The following RBFOX1 variants were observed in gnomAD, a reference collection of about 807,000 sequenced individuals.
RBFOX1 encodes the protein RNA binding protein fox-1 homolog 1.
Under a neutral mutation model 57.7 loss-of-function variants are expected in RBFOX1, and 8 were observed. The observed-to-expected ratio is 0.14, with a 90% confidence interval of 0.08 to 0.25. The LOEUF (loss-of-function observed/expected upper bound fraction) is 0.25. Among genes scored for constraint, RBFOX1 ranks in the 10% least tolerant of loss-of-function variants. The pLI is 1.00. For missense variants in RBFOX1, 611 were observed against 548.5 expected (o/e 1.11, Z -1.14); for synonymous variants, 326 against 222.4 (o/e 1.47, Z -4.15).
chr16:6,033,226 G>C (rs2095315443), intron 1 of RBFOX1, among the ~76,000 whole-genome samples: 1 of 152,202 alleles, frequency 6.6e-6, no homozygotes, highest in South Asian at 2.1e-4. Flanking sequence ...TTTTAAGCAA[G>C]GGATAATTTG....
At chr16:7,653,638 A>C (rs886277888) in intron 11 of RBFOX1, among the ~76,000 whole-genome samples, 177 bp from the exon 12 acceptor site, 6 of 152,182 alleles carry the variant, frequency 3.9e-5, no homozygotes, top group Non-Finnish European at 4.4e-5. Flanking sequence ...TCCTCTCTGG[A>C]GTCCCACCCT....
At chr16:7,297,842 A>C (rs905440833) in intron 4 of RBFOX1, among the ~76,000 whole-genome samples, 2 of 151,640 alleles carry the variant, frequency 1.3e-5, no homozygotes, top group Admixed American at 6.6e-5. Context: ...CCCCTCCTCT[A>C]TTACCCTAGA....
chr16:6,191,094 C>G (rs1484072386), intron 1 of RBFOX1, among the ~76,000 whole-genome samples: 2 of 150,502 alleles, frequency 1.3e-5, no homozygotes, highest in Non-Finnish European at 2.9e-5. Flanking sequence ...ATCTTCTAGA[C>G]AGACAGCTTG....
chr16:6,432,550 C>T (rs1006464787), intron 2 of RBFOX1, among the ~76,000 whole-genome samples: 11 of 149,316 alleles, frequency 7.4e-5, no homozygotes, highest in African/African-American at 1.7e-4. Flanking sequence ...GGTGTGGTGG[C>T]GGATACCTGT....
intron 4 of RBFOX1, among the ~76,000 whole-genome samples, chr16:5,974,239 C>G (rs186934150): frequency 6.6e-6 from 1 of 152,166 alleles, no homozygotes; most frequent in Non-Finnish European, 1.5e-5. Context: ...GCATTTGGAA[C>G]TGCAAAGAGA....
intron 3 of RBFOX1, among the ~76,000 whole-genome samples, chr16:6,890,631 G>A (rs1366763333): frequency 1.3e-5 from 2 of 152,176 alleles, no homozygotes; most frequent in Non-Finnish European, 2.9e-5. Flanking sequence ...GTTGGTGTTT[G>A]TAACAGTCTT....
At chr16:5,990,589 A>G (rs2060375827) in intron 4 of RBFOX1, among the ~76,000 whole-genome samples, 1 of 152,202 alleles carries the variant, frequency 6.6e-6, no homozygotes, top group Non-Finnish European at 1.5e-5. Context: ...GGACAAGCCC[A>G]TGGACTATAG....
chr16:6,679,553 C>T (rs922427958), intron 3 of RBFOX1, among the ~76,000 whole-genome samples: 3 of 152,128 alleles, frequency 2.0e-5, no homozygotes, highest in Non-Finnish European at 4.4e-5. Flanking sequence ...TACAGTCATA[C>T]CCCTCTCTTC....
chr16:7,612,361 G>C (rs1482670967), intron 10 of RBFOX1, among the ~76,000 whole-genome samples: 1 of 138,010 alleles, frequency 7.2e-6, no homozygotes, highest in Non-Finnish European at 1.6e-5. Flanking sequence ...ACAAATGATT[G>C]TAAGTCCCCA....
intron 3 of RBFOX1, among the ~76,000 whole-genome samples, chr16:5,856,187 C>CTCTCTCTCTATATATATATATATA (rs1430331422): frequency 3.2e-5 from 1 of 31,064 alleles, no homozygotes; most frequent in African/African-American, 1.4e-4. Flanking sequence ...CTCTCTCTCT[C>CTCTCTCTCTATATATATATATATA]TATATATATA....
intron 3 of RBFOX1, among the ~76,000 whole-genome samples, chr16:7,015,403 G>A (rs761821025): frequency 1.7e-4 from 26 of 152,160 alleles, no homozygotes; most frequent in Non-Finnish European, 2.4e-4. Context: ...AGAAACTTGA[G>A]CCGTATTATA....
intron 3 of RBFOX1, among the ~76,000 whole-genome samples, chr16:5,704,415 G>A (rs1030954300): frequency 6.6e-6 from 1 of 152,074 alleles, no homozygotes; most frequent in Non-Finnish European, 1.5e-5. Context: ...CACAGGGAGT[G>A]GTGGGGTGTG....
intron 14 of RBFOX1, among the ~76,000 whole-genome samples, chr16:7,682,350 T>C (rs1327542773): frequency 6.6e-6 from 1 of 151,982 alleles, no homozygotes; most frequent in Non-Finnish European, 1.5e-5. Context: ...GAACTGAGGA[T>C]GGAGTTCTTG....
intron 2 of RBFOX1, among the ~76,000 whole-genome samples, chr16:5,560,112 T>C (rs1567231085): frequency 6.6e-6 from 1 of 152,224 alleles, no homozygotes; most frequent in East Asian, 1.9e-4. Context: ...ATTTATAGAA[T>C]AAATTTCTTC....
At chr16:6,926,821 C>T (rs1334882347) in intron 3 of RBFOX1, among the ~76,000 whole-genome samples, 2 of 152,086 alleles carry the variant, frequency 1.3e-5, no homozygotes, top group African/African-American at 4.8e-5. Context: ...TCTTTCTGTC[C>T]CGTGCAGATA....
intron 4 of RBFOX1, among the ~76,000 whole-genome samples, chr16:7,188,060 C>T (rs1453767380): frequency 1.3e-5 from 2 of 152,124 alleles, no homozygotes; most frequent in African/African-American, 4.8e-5. Context: ...TTTAACTTTT[C>T]TCTGTTTCTC....
At chr16:5,309,057 G>A (rs1165256480) in intron 1 of RBFOX1, among the ~76,000 whole-genome samples, 3 of 152,004 alleles carry the variant, frequency 2.0e-5, no homozygotes, top group African/African-American at 7.3e-5. Flanking sequence ...TCCACTTCCT[G>A]TCAACTTCTT....
intron 2 of RBFOX1, among the ~76,000 whole-genome samples, chr16:5,546,431 T>G (rs983380098): frequency 3.3e-5 from 5 of 152,200 alleles, no homozygotes; most frequent in African/African-American, 9.6e-5. Flanking sequence ...ATTACAAAGC[T>G]ATTGTAATCA....
chr16:6,704,102 T>C (rs1272255714), intron 3 of RBFOX1: 1 of 152,226 alleles, frequency 6.6e-6, no homozygotes, highest in Admixed American at 6.6e-5. Flanking sequence ...CTATCCTTGC[T>C]CTTCTAATTT....
Sources: gnomAD v4.1 joint callset for allele counts (sites outside exome capture counted in the v4.1 genomes callset) on GRCh38, gnomAD v4.1.1 for gene constraint, MANE v1.5 for transcripts, NCBI Gene and HGNC (gene_info 2026-07-23, HGNC 2026-07-21) for gene names.